The following MARK1 variants were observed in gnomAD, a reference collection of about 807,000 sequenced individuals.
MARK1 encodes microtubule affinity regulating kinase 1, also known as serine/threonine-protein kinase MARK1.
MARK1 carries 40 observed loss-of-function variants against 96.3 expected under a neutral mutation model. That is an observed-to-expected ratio of 0.42 (90% confidence interval 0.32 to 0.54). MARK1 has a LOEUF of 0.54. MARK1 is among the 20% of genes least tolerant of loss of function. The pLI is 0.16. For missense variants in MARK1, 719 were observed against 984.6 expected, an observed-to-expected ratio of 0.73 and a Z score of 3.61; for synonymous variants, 317 against 341.2, an observed-to-expected ratio of 0.93 and a Z score of 0.78.
chr1:220,621,518 G>T (rs1667051073), intron 9 of MARK1, among the ~76,000 whole-genome samples: 1 of 151,958 alleles, frequency 6.6e-6, no homozygotes. Context: ...TCTTTTATTA[G>T]CAATAAAATG....
intron 1 of MARK1, 87 bp downstream of exon 1, chr1:220,528,960 G>C: frequency 7.2e-7 from 1 of 1,381,650 alleles, no homozygotes; most frequent in Non-Finnish European, 9.7e-7. Flanking sequence ...CGTCCCCCGT[G>C]CCTCGGCGCG....
chr1:220,597,036 A>G (rs1245607510), intron 3 of MARK1, among the ~76,000 whole-genome samples: 1 of 152,120 alleles, frequency 6.6e-6, no homozygotes, highest in Non-Finnish European at 1.5e-5. Context: ...TGTTGTATCT[A>G]TCATGTGTCA....
At chr1:220,661,538 T>G (rs1268430997) in intron 17 of MARK1, among the ~76,000 whole-genome samples, 3 of 152,238 alleles carry the variant, frequency 2.0e-5, no homozygotes, top group African/African-American at 7.2e-5. Context: ...AGTTCTTCAC[T>G]TTCAGTTGCA....
rs73101856 is a variant in MARK1 at position 220,531,752 on chromosome 1, G to A, written c.51+2879G>A. ...GTGTGCCTTGTTAATAGGCCTCAAC[G>A]GGCTAAATACAACAGGACAACCAAT... On this transcript the variant is annotated intron_variant, in intron 1 of 17. Coordinates refer to ENST00000366917, the MANE Select transcript of MARK1 (RefSeq NM_018650.5). 3.7e-3 allele frequency among the ~76,000 whole-genome samples: 567 copies of A among 152,098 alleles called. 6 individuals carry two copies. The highest frequency in any genetic ancestry group is 0.013 in the African/African-American group (536 of 41,496).
chr1:220,571,805 G>A (rs1018948349), intron 1 of MARK1: 1 of 152,008 alleles, frequency 6.6e-6, no homozygotes, highest in African/African-American at 2.4e-5. Context: ...CAGTCCCACT[G>A]TTGATCAGCA....
At chr1:220,584,758 C>T (rs2102855866) in intron 3 of MARK1, among the ~76,000 whole-genome samples, 1 of 152,248 alleles carries the variant, frequency 6.6e-6, no homozygotes, top group East Asian at 1.9e-4. Flanking sequence ...CTTGCAAAAC[C>T]AATCACAAAA....
chr1:220,640,379 T>A (rs1159597930), intron 13 of MARK1, among the ~76,000 whole-genome samples: 1 of 152,368 alleles, frequency 6.6e-6, no homozygotes, highest in Admixed American at 6.5e-5. Flanking sequence ...TATTTAATAT[T>A]AGTTTAGTAT....
At chr1:220,543,242 G>A (rs116469549) in intron 1 of MARK1, among the ~76,000 whole-genome samples, 62 of 152,244 alleles carry the variant, frequency 4.1e-4, no homozygotes, top group African/African-American at 1.5e-3. Context: ...AAATTAAGTA[G>A]CAACATAAAC....
chr1:220,559,957 A>G (rs1490149554), intron 1 of MARK1, among the ~76,000 whole-genome samples: 1 of 152,196 alleles, frequency 6.6e-6, no homozygotes, highest in Non-Finnish European at 1.5e-5. Context: ...TGATAAAGAC[A>G]TACCCAAGAT....
At chr1:220,659,792 A>AC (rs1553339868) in intron 17 of MARK1, among the ~76,000 whole-genome samples, 1 of 149,162 alleles carries the variant, frequency 6.7e-6, no homozygotes, top group Admixed American at 6.7e-5. Flanking sequence ...CAGAAAACTA[A>AC]TTTTTTTTTT....
intron 1 of MARK1, among the ~76,000 whole-genome samples, chr1:220,579,004 G>A (rs1405322430): frequency 6.6e-6 from 1 of 151,888 alleles, no homozygotes; most frequent in Non-Finnish European, 1.5e-5. Context: ...CACCACAACC[G>A]GCTAATTTTT....
At position 220,576,104 on chromosome 1, in the gene MARK1, G is replaced by A. The variant is rs116817433; in HGVS notation, c.52-3250G>A. On this transcript the variant is annotated intron_variant, in intron 1 of 17. Transcript: ENST00000366917. Reference sequence around the variant, plus strand: ...TTCATAAGTTTTTCCCTTTTCTCTTGTGTTTACTTTTTAATTTTAAAATAA... The same window carrying A: ...TTCATAAGTTTTTCCCTTTTCTCTTATGTTTACTTTTTAATTTTAAAATAA... 3.9e-3 allele frequency among the ~76,000 whole-genome samples: 255 copies of A among 65,702 alleles called. 1 individual carries two copies. Among genetic ancestry groups the A allele is most frequent in the African/African-American group, 0.013 (238 of 17,752 alleles). 43.1% of individuals were successfully genotyped at this position (65,702 alleles called of 152,430 possible).
rs1668984492 is a variant in MARK1, at chr1:220,653,245, T to C, written c.1881T>C (p.Tyr627=). The change falls in exon 16 of 18, where the codon TAT becomes TAC. Residue 627 remains tyrosine, a synonymous_variant. Transcript: ENST00000366917. ...EQLRERRSVA[Y]NGPPASPSHE... ...TCCGGGAGCGACGCAGCGTTGCTTA[T>C]AATGGGCCACCTGCTTCACCATCCC... is the stretch of plus-strand genomic sequence containing the variant. 1 of 1,614,124 alleles carries C rather than the reference T, an allele frequency of 6.2e-7. No homozygotes were observed. Among genetic ancestry groups the C allele is most frequent in the South Asian group, 1.1e-5 (1 of 91,088 alleles).
intron 1 of MARK1, among the ~76,000 whole-genome samples, chr1:220,551,844 A>T (rs1333212738): frequency 6.6e-6 from 1 of 152,184 alleles, no homozygotes; most frequent in African/African-American, 2.4e-5. Context: ...TCAACTACTG[A>T]TTCCATATTT....
At chr1:220,580,081 G>A (rs914788276) in intron 2 of MARK1, among the ~76,000 whole-genome samples, 10 of 151,924 alleles carry the variant, frequency 6.6e-5, no homozygotes, top group South Asian at 6.2e-4. Flanking sequence ...ACATATGTAC[G>A]TTGTGTATAT....
rs952904439 is a variant in MARK1 at position 220,545,436 on chromosome 1, A to G, written c.51+16563A>G. The stretch of plus-strand genomic sequence containing the variant: ...TTTAAATTCAGTGGGCTGCTTTCTC[A>G]TGGTTTTTTTTTTTTTTTTTTTTTT... On this transcript the variant is annotated intron_variant, in intron 1 of 17. Transcript: ENST00000366917. Among the ~76,000 whole-genome samples, 6 of 109,210 alleles carry G rather than the reference A, an allele frequency of 5.5e-5. 1 individual carries two copies. In the South Asian group the frequency reaches 1.5e-3, roughly 28 times the overall value. The allele number at this position is 109,210 out of a possible 152,430, so 71.6% of individuals were successfully genotyped here. A position where few individuals can be genotyped will look rare whatever the true frequency, so the allele number is the denominator to read the frequency against.
intron 13 of MARK1, among the ~76,000 whole-genome samples, chr1:220,642,165 C>T (rs572327098): frequency 2.5e-4 from 38 of 152,328 alleles, no homozygotes; most frequent in African/African-American, 7.0e-4. Context: ...ATGGATCCCC[C>T]GCAAGCTAAG....
chr1:220,642,795 C>T (rs1668356642), intron 13 of MARK1, among the ~76,000 whole-genome samples: 1 of 152,184 alleles, frequency 6.6e-6, no homozygotes. Flanking sequence ...TGCTGTTCTG[C>T]AGCCTCCACT....
intron 17 of MARK1, 101 bp downstream of exon 17, chr1:220,657,935 C>G: frequency 7.5e-6 from 6 of 794,928 alleles, no homozygotes; most frequent in Non-Finnish European, 1.1e-5. Context: ...GATCTAATAA[C>G]TAGATAGCAT....
Sources: allele counts gnomAD v4.1 joint callset (sites outside exome capture counted in the v4.1 genomes callset), GRCh38; gene constraint gnomAD v4.1.1; transcripts MANE v1.5; gene names NCBI Gene and HGNC (gene_info 2026-07-23, HGNC 2026-07-21).